RAB27A: variants seen among roughly 807,000 people sequenced by gnomAD.
RAB27A encodes the protein RAB27A, member RAS oncogene family, also known as ras-related protein Rab-27A.
In RAB27A, 17 loss-of-function variants were observed where a neutral mutation model predicts 20.8. The ratio of observed to expected loss-of-function variants is 0.82; its 90% CI spans 0.56 to 1.23. RAB27A has a LOEUF of 1.23. RAB27A is among the 50% of genes most tolerant of loss of function. The pLI is 0.00. For missense variants in RAB27A, 277 were observed against 266.7 expected (o/e 1.04, Z -0.27); for synonymous variants, 85 against 92.8 (o/e 0.92, Z 0.48).
At chr15:55,265,220 G>A (rs1897423414) in intron 2 of RAB27A, among the ~76,000 whole-genome samples, 2 of 151,968 alleles carry the variant, frequency 1.3e-5, no homozygotes, top group African/African-American at 4.8e-5. Flanking sequence ...CAGCCTGGGC[G>A]ACAAGAGTAA....
At chr15:55,291,981 A>AGGGCAAG (rs1210016297), upstream of RAB27A, among the ~76,000 whole-genome samples, 1 of 152,194 alleles carries the variant, frequency 6.6e-6, no homozygotes, top group African/African-American at 2.4e-5. Context: ...AGAATGAATG[A>AGGGCAAG]GGGCAAGGGG....
At chr15:55,230,347 G>GT in intron 4 of RAB27A, 54 bp downstream of exon 4, 1 of 1,488,192 alleles carries the variant, frequency 6.7e-7, no homozygotes, top group Non-Finnish European at 9.4e-7. Flanking sequence ...TTTGAAGAAT[G>GT]TAACTATTTT....
At chr15:55,274,460 C>T (rs1897792748) in intron 1 of RAB27A, among the ~76,000 whole-genome samples, 1 of 151,928 alleles carries the variant, frequency 6.6e-6, no homozygotes, top group Non-Finnish European at 1.5e-5. Flanking sequence ...AAAACTAAGA[C>T]TGTTTTTTGA....
intron 2 of RAB27A, among the ~76,000 whole-genome samples, chr15:55,256,494 C>T (rs1897083931): frequency 1.3e-5 from 2 of 152,208 alleles, no homozygotes; most frequent in Non-Finnish European, 2.9e-5. Context: ...TTCTTCAAAG[C>T]CAGGCAAGAT....
At chr15:55,279,770 G>A (rs1195979405) in intron 1 of RAB27A, among the ~76,000 whole-genome samples, 1 of 152,190 alleles carries the variant, frequency 6.6e-6, no homozygotes, top group Non-Finnish European at 1.5e-5. Context: ...TTGAATAAAT[G>A]TCACCTGTTT....
chr15:55,259,969 A>G (rs1476644972), intron 2 of RAB27A: 1 of 152,170 alleles, frequency 6.6e-6, no homozygotes, highest in Non-Finnish European at 1.5e-5. Flanking sequence ...TTCCTCAAAA[A>G]CCATATGGGG....
chr15:55,310,899 G>C (rs2055017536), intron 2 of RAB27A, among the ~76,000 whole-genome samples: 2 of 152,292 alleles, frequency 1.3e-5, no homozygotes, highest in Admixed American at 1.3e-4. Flanking sequence ...CACCAGAAAG[G>C]CGGTAGGATT....
intron 2 of RAB27A, among the ~76,000 whole-genome samples, chr15:55,262,668 T>C (rs1897319218): frequency 6.8e-6 from 1 of 147,250 alleles, no homozygotes; most frequent in African/African-American, 2.5e-5. Context: ...GATCTCACTC[T>C]GTTGTCCAGG....
At chr15:55,269,651 G>C (rs552752720) in intron 2 of RAB27A, 1 of 152,282 alleles carries the variant, frequency 6.6e-6, no homozygotes, top group African/African-American at 2.4e-5. Context: ...TGAGGCAGGA[G>C]AATCACTTGA....
chr15:55,269,151 GT>G (rs921851274), intron 2 of RAB27A, among the ~76,000 whole-genome samples: 1 of 152,130 alleles, frequency 6.6e-6, no homozygotes, highest in Non-Finnish European at 1.5e-5. Context: ...ATAAATTTCT[GT>G]TTTTGAAATC....
intron 6 of RAB27A, among the ~76,000 whole-genome samples, chr15:55,208,788 G>A (rs182505112): frequency 9.1e-4 from 138 of 152,326 alleles, no homozygotes; most frequent in African/African-American, 3.1e-3. Context: ...TTCCTGGGCT[G>A]GTGGCTGGCA....
rs2140891754 is a variant in RAB27A at position 55,205,688 on chromosome 15, G to A, written c.485C>T (p.Thr162Ile). Residue 162 changes from threonine (T) to isoleucine (I), a missense_variant, in exon 7 of 7, where the codon ACT becomes ATT. Thr to Ile is a moderately conservative substitution (Grantham distance 89). Coordinates refer to ENST00000336787, the MANE Select transcript of RAB27A (RefSeq NM_183235.3). The stretch of plus-strand genomic sequence containing the variant: ...TATGTTTGTCCCATTGGCAGCACTA[G>A]TTTCAAAGTAGGGGATTCTGGAAGA... Reference protein sequence around the residue: ...AEKYGIPYFETSAANGTNISQ... With the variant: ...AEKYGIPYFEISAANGTNISQ... 6.2e-7 allele frequency: 1 copy of A among 1,613,788 alleles called. No individual in the cohort carries two copies. Among genetic ancestry groups the A allele is most frequent in the African/African-American group, 1.3e-5 (1 of 74,992 alleles).
chr15:55,316,234 CAA>C (rs1186678422), intron 1 of RAB27A, among the ~76,000 whole-genome samples: 16 of 53,908 alleles, frequency 3.0e-4, no homozygotes, highest in Admixed American at 2.0e-4. Context: ...GACTCCGTCT[CAA>C]AAAAAAAAAA....
At chr15:55,282,197 T>C (rs1824345989) in intron 1 of RAB27A, among the ~76,000 whole-genome samples, 1 of 152,204 alleles carries the variant, frequency 6.6e-6, no homozygotes, top group Admixed American at 6.5e-5. Context: ...GAACAACACA[T>C]AGAATTTTGG....
At chr15:55,240,468 T>C (rs904450380) in intron 2 of RAB27A, among the ~76,000 whole-genome samples, 7 of 152,148 alleles carry the variant, frequency 4.6e-5, no homozygotes, top group Non-Finnish European at 7.3e-5. Flanking sequence ...CACTGCCCTA[T>C]ACATAGCATA....
intron 2 of RAB27A, among the ~76,000 whole-genome samples, chr15:55,241,689 T>G (rs764999095): frequency 1.3e-5 from 2 of 148,354 alleles, no homozygotes; most frequent in Non-Finnish European, 3.0e-5. Flanking sequence ...TAGCCTGTAG[T>G]CCTAGCTACT....
intron 2 of RAB27A, among the ~76,000 whole-genome samples, chr15:55,312,482 A>C (rs1401810883): frequency 6.6e-6 from 1 of 152,224 alleles, no homozygotes; most frequent in Non-Finnish European, 1.5e-5. Flanking sequence ...AAACTTTCCC[A>C]AAGTGACTGC....
chr15:55,260,647 G>T (rs775729191), intron 2 of RAB27A, among the ~76,000 whole-genome samples: 1 of 152,198 alleles, frequency 6.6e-6, no homozygotes, highest in Non-Finnish European at 1.5e-5. Context: ...AAACATGGAA[G>T]AACCTTAAAT....
At chr15:55,286,077 A>G (rs945129290) in intron 1 of RAB27A, among the ~76,000 whole-genome samples, 1 of 152,184 alleles carries the variant, frequency 6.6e-6, no homozygotes, top group Non-Finnish European at 1.5e-5. Flanking sequence ...AAAAAAATGG[A>G]TGGAATAGTG....
Sources: gnomAD v4.1 joint callset for allele counts (sites outside exome capture counted in the v4.1 genomes callset) on GRCh38, gnomAD v4.1.1 for gene constraint, MANE v1.5 for transcripts, NCBI Gene and HGNC (gene_info 2026-07-23, HGNC 2026-07-21) for gene names.